The following DNAJB14 variants were observed in gnomAD, a reference collection of about 807,000 sequenced individuals.
DNAJB14 encodes the protein dnaJ homolog subfamily B member 14.
In DNAJB14, 22 loss-of-function variants were observed where a neutral mutation model predicts 48.4. The observed-to-expected ratio is 0.45, with a 90% confidence interval of 0.32 to 0.65. DNAJB14 has a LOEUF of 0.65. Ranked by LOEUF, DNAJB14 falls within the 30% of genes least tolerant of loss-of-function variation. DNAJB14 has a pLI of 0.03. For missense variants in DNAJB14, 319 were observed against 458.8 expected (o/e 0.70, Z 2.78); for synonymous variants, 142 against 158.7 (o/e 0.89, Z 0.79).
rs140795565 is a variant in DNAJB14 at position 99,905,875 on chromosome 4, G to A, written c.733-169C>T. 309 of 794,010 alleles carry A rather than the reference G, an allele frequency of 3.9e-4. No individual in the cohort carries two copies. The African/African-American group carries it at 5.4e-3, about 14-fold the overall frequency. 49.2% of individuals were successfully genotyped at this position (794,010 alleles called of 1,614,324 possible). ...GATGATTCTTAAATATAATTATCCA[G>A]GCATATCACCAGGAGATTCTGATTT... is the stretch of plus-strand genomic sequence containing the variant. On this transcript the variant is annotated intron_variant, in intron 5 of 7. Coordinates refer to ENST00000442697, the MANE Select transcript of DNAJB14 (RefSeq NM_001031723.4).
intron 1 of DNAJB14, among the ~76,000 whole-genome samples, 186 bp downstream of exon 1, chr4:99,946,253 C>A (rs1176080692): frequency 1.3e-5 from 2 of 152,124 alleles, no homozygotes; most frequent in Non-Finnish European, 2.9e-5. Flanking sequence ...CGAGCCCCAG[C>A]CCGGAGCCGG....
At chr4:99,936,100 C>A (rs1350751808) in intron 1 of DNAJB14, among the ~76,000 whole-genome samples, 2 of 152,068 alleles carry the variant, frequency 1.3e-5, no homozygotes, top group Admixed American at 6.6e-5. Context: ...ACAGTCACAA[C>A]CAAAAACATG....
chr4:99,916,295 C>T (rs1725853399), intron 3 of DNAJB14, among the ~76,000 whole-genome samples: 2 of 152,130 alleles, frequency 1.3e-5, no homozygotes, highest in South Asian at 4.1e-4. Context: ...CGTGCTACCA[C>T]ATCCAGCTAA....
At chr4:99,926,987 A>G (rs941062517) in intron 2 of DNAJB14, 1 of 152,126 alleles carries the variant, frequency 6.6e-6, no homozygotes, top group Non-Finnish European at 1.5e-5. Flanking sequence ...CATTCATATA[A>G]TTATTTTCAT....
At chr4:99,945,195 T>C (rs565066219) in intron 1 of DNAJB14, among the ~76,000 whole-genome samples, 3 of 152,288 alleles carry the variant, frequency 2.0e-5, no homozygotes, top group Non-Finnish European at 4.4e-5. Flanking sequence ...AGACCGTAAA[T>C]TTGGCAGGTT....
intron 7 of DNAJB14, among the ~76,000 whole-genome samples, chr4:99,902,955 T>G (rs1420873780): frequency 1.3e-5 from 2 of 152,124 alleles, no homozygotes; most frequent in African/African-American, 4.8e-5. Flanking sequence ...TATTATTTCC[T>G]CCTCCCACTC....
At chr4:99,944,860 A>G (rs1330494573) in intron 1 of DNAJB14, among the ~76,000 whole-genome samples, 1 of 152,174 alleles carries the variant, frequency 6.6e-6, no homozygotes. Flanking sequence ...AACAGGCGTG[A>G]GCCACCGCGC....
intron 1 of DNAJB14, among the ~76,000 whole-genome samples, chr4:99,937,270 T>A (rs1726713951): frequency 6.6e-6 from 1 of 151,736 alleles, no homozygotes; most frequent in African/African-American, 2.4e-5. Context: ...TGAGCCGAGA[T>A]CGCGCCATAC....
rs1725199582 is a variant in DNAJB14, at chr4:99,898,612, A to T, written c.*2416T>A. The T allele has an allele frequency of 6.6e-6, 1 of 151,944 alleles. No homozygotes were observed. Among genetic ancestry groups the T allele is most frequent in the African/African-American group, 2.4e-5 (1 of 41,428 alleles). 9.4% of individuals were successfully genotyped at this position (151,944 alleles called of 1,614,324 possible). A position where few individuals can be genotyped will look rare whatever the true frequency, so the allele number is the denominator to read the frequency against. Reference sequence around the variant, plus strand: ...TTGTGTTTACACAAAAAGGGGTAAAAATGTAAAGCATTAATAAATATAAGT... The same window carrying T: ...TTGTGTTTACACAAAAAGGGGTAAATATGTAAAGCATTAATAAATATAAGT... On this transcript the variant is annotated 3_prime_UTR_variant, in exon 8 of 8. Transcript: ENST00000442697.
chr4:99,911,574 G>A (rs1560734310), intron 3 of DNAJB14, among the ~76,000 whole-genome samples: 1 of 151,954 alleles, frequency 6.6e-6, no homozygotes, highest in Non-Finnish European at 1.5e-5. Context: ...TTTCACTCTA[G>A]CCATTCTGAT....
At chr4:99,943,453 G>A (rs1726951124) in intron 1 of DNAJB14, among the ~76,000 whole-genome samples, 1 of 152,144 alleles carries the variant, frequency 6.6e-6, no homozygotes, top group South Asian at 2.1e-4. Flanking sequence ...AAGCATGATA[G>A]TGTGTACATT....
chr4:99,901,264 T>TA (rs1161368610), intron 7 of DNAJB14, 112 bp from the exon 8 acceptor site: 47 of 992,754 alleles, frequency 4.7e-5, no homozygotes, highest in Non-Finnish European at 5.2e-5. Context: ...TTAACTGACT[T>TA]AAAAAAAATC....
intron 3 of DNAJB14, among the ~76,000 whole-genome samples, chr4:99,918,319 T>G (rs1268450200): frequency 2.6e-5 from 4 of 152,226 alleles, no homozygotes; most frequent in Non-Finnish European, 1.5e-5. Context: ...TTCTTTATAC[T>G]TTTAATAGCT....
chr4:99,923,662 A>G, intron 2 of DNAJB14: 2 of 985,360 alleles, frequency 2.0e-6, no homozygotes, highest in Non-Finnish European at 2.4e-6. Flanking sequence ...AGTTTAGTAC[A>G]CGCAAAACAA....
At position 99,946,440 on chromosome 4, in the gene DNAJB14, G is replaced by C. The variant is rs751136617; in HGVS notation, c.132C>G (p.Arg44=). ...AEKLYPLPSA[R]ALLEIIMKNG... is the part of the protein sequence containing the mutation. ...AGAGAAGGGACGCTGAGGTCTCACC[G>C]CGGGCCGAGGGCAGTGGGTAGAGCT... The change falls in exon 1 of 8, where the codon CGC becomes CGG. Residue 44 remains arginine (R), a splice_region_variant and synonymous_variant. Transcript: ENST00000442697. 6.2e-7 allele frequency: 1 copy of C among 1,611,244 alleles called. No homozygotes were observed. The highest frequency in any genetic ancestry group is 8.5e-7 in the Non-Finnish European group (1 of 1,178,764).
At chr4:99,919,457 C>G (rs1242045052) in intron 3 of DNAJB14, among the ~76,000 whole-genome samples, 1 of 151,964 alleles carries the variant, frequency 6.6e-6, no homozygotes, top group East Asian at 1.9e-4. Flanking sequence ...TGGTGGCAGG[C>G]GCCTGTAATC....
At chr4:99,903,920 A>G in intron 6 of DNAJB14, 22 bp from the exon 7 acceptor site, 1 of 1,598,452 alleles carries the variant, frequency 6.3e-7, no homozygotes, top group Non-Finnish European at 8.5e-7. Flanking sequence ...ATGCATCATT[A>G]TTTTAATTAA....
At position 99,908,836 on chromosome 4, in the gene DNAJB14, G is replaced by T. The variant is rs201606258; in HGVS notation, c.512C>A (p.Thr171Lys). ...NPEKRKQYDL[T>K]GNEEQACNHQ... is the part of the protein sequence containing the mutation. ...GTTACATGCTTGTTCTTCATTGCCC[G>T]TGAGGTCATACTGTTTTCGCTTTTC... Residue 171 changes from threonine to lysine, a missense_variant, in exon 4 of 8, where the codon ACG (threonine) becomes AAG (lysine). Thr to Lys is a moderately conservative substitution (Grantham distance 78). Coordinates refer to ENST00000442697, the MANE Select transcript of DNAJB14 (RefSeq NM_001031723.4). The T allele has an allele frequency of 3.1e-6, 5 of 1,608,182 alleles. No individual in the cohort carries two copies. Among genetic ancestry groups the T allele is most frequent in the Non-Finnish European group, 4.2e-6 (5 of 1,177,246 alleles).
intron 1 of DNAJB14, among the ~76,000 whole-genome samples, 165 bp from the exon 2 acceptor site, chr4:99,930,786 C>G (rs930290911): frequency 4.6e-5 from 7 of 152,138 alleles, no homozygotes; most frequent in Non-Finnish European, 8.8e-5. Context: ...TAACTGTTTA[C>G]AGAACACTAA....
Sources: gnomAD v4.1 joint callset for allele counts (sites outside exome capture counted in the v4.1 genomes callset) on GRCh38, gnomAD v4.1.1 for gene constraint, MANE v1.5 for transcripts, NCBI Gene and HGNC (gene_info 2026-07-23, HGNC 2026-07-21) for gene names.